Variants in AFAP1 observed in about 807,000 individuals in gnomAD.
AFAP1 encodes the protein actin filament associated protein 1, also known as actin filament-associated protein 1.
AFAP1 carries 75 observed loss-of-function variants against 93.9 expected under a neutral mutation model. The ratio of observed to expected loss-of-function variants is 0.80; its 90% CI spans 0.66 to 0.97. The LOEUF (loss-of-function observed/expected upper bound fraction) is 0.97, where lower values mean the gene tolerates loss of function less well. AFAP1 is among the 50% of genes least tolerant of loss of function. AFAP1 has a pLI of 0.00. For missense variants in AFAP1, 1,201 were observed against 1,050.8 expected (o/e 1.14, Z -1.98); for synonymous variants, 517 against 430.7 (o/e 1.20, Z -2.48).
chr4:7,902,996 C>CCA (rs1439862425), intron 1 of AFAP1, among the ~76,000 whole-genome samples: 2 of 152,214 alleles, frequency 1.3e-5, no homozygotes, highest in Admixed American at 6.5e-5. Context: ...CTCAAGTACT[C>CCA]CACCTCCTTC....
chr4:7,779,273 C>T (rs188614938), intron 13 of AFAP1: 2 of 188,412 alleles, frequency 1.1e-5, no homozygotes, highest in South Asian at 1.0e-4. Context: ...GAGAGGAGCA[C>T]GACCCTGCAG....
chr4:7,798,913 T>C, intron 10 of AFAP1: 1 of 987,220 alleles, frequency 1.0e-6, no homozygotes, highest in Non-Finnish European at 1.2e-6. Context: ...TGCCAATTCA[T>C]GCCTCCTTCT....
chr4:7,857,293 C>G (rs1048396714), intron 3 of AFAP1, among the ~76,000 whole-genome samples: 6 of 152,134 alleles, frequency 3.9e-5, no homozygotes, highest in East Asian at 3.8e-4. Context: ...TTCTATGTAA[C>G]TCATCTCTGA....
intron 1 of AFAP1, among the ~76,000 whole-genome samples, chr4:7,918,147 G>A (rs1452480731): frequency 2.0e-5 from 3 of 152,168 alleles, no homozygotes; most frequent in African/African-American, 4.8e-5. Context: ...GGAGCCACTC[G>A]GCCCAGATCA....
At position 7,774,872 on chromosome 4, in the gene AFAP1, C is replaced by A. The variant is rs1319159594; in HGVS notation, c.1929G>T (p.Arg643=). The A allele has an allele frequency of 1.2e-6, 2 of 1,614,152 alleles. No individual in the cohort carries two copies. Among genetic ancestry groups the A allele is most frequent in the Non-Finnish European group, 1.7e-6 (2 of 1,180,026 alleles). The change falls in exon 15 of 18, where the codon CGG becomes CGT. Residue 643 remains arginine, a synonymous_variant. Transcript: ENST00000420658. ...NAAQYKYGKN[R]VEADAKRLQT... ...GTAGCCGCTTGGCATCTGCTTCTAC[C>A]CGGTTCTTGCCATACTTGTACTGGG...
intron 17 of AFAP1, among the ~76,000 whole-genome samples, chr4:7,768,526 C>A (rs1714943096): frequency 6.6e-6 from 1 of 152,114 alleles, no homozygotes; most frequent in Non-Finnish European, 1.5e-5. Context: ...GTCTAATCTC[C>A]ACCGCACCAC....
At chr4:7,933,510 T>C (rs1721214893) in intron 1 of AFAP1, among the ~76,000 whole-genome samples, 2 of 152,132 alleles carry the variant, frequency 1.3e-5, no homozygotes, top group Non-Finnish European at 2.9e-5. Context: ...GAGGCAGACG[T>C]TGCAGTGAGC....
intron 3 of AFAP1, among the ~76,000 whole-genome samples, chr4:7,865,505 C>G (rs1044923851): frequency 7.2e-5 from 11 of 152,152 alleles, no homozygotes; most frequent in Non-Finnish European, 1.2e-4. Context: ...CTCATAAATA[C>G]CTTAACCCAG....
At position 7,847,915 on chromosome 4, in the gene AFAP1, G is replaced by A. The variant is rs146351632; in HGVS notation, c.335-4565C>T. Among the ~76,000 whole-genome samples the A allele has an allele frequency of 5.5e-4, 84 of 151,928 alleles. 2 individuals are homozygous for A. The East Asian group carries it at 0.013, about 23-fold the overall frequency. On this transcript the variant is annotated intron_variant, in intron 4 of 17. Coordinates refer to ENST00000420658, the MANE Select transcript of AFAP1 (RefSeq NM_001134647.2). Reference sequence around the variant, plus strand: ...ACCGTGTGAACTCTGTTGAAAGGACGTTGTTGATTAGGAAATGCTCTTTGT... The same window carrying A: ...ACCGTGTGAACTCTGTTGAAAGGACATTGTTGATTAGGAAATGCTCTTTGT...
intron 7 of AFAP1, among the ~76,000 whole-genome samples, 177 bp from the exon 8 acceptor site, chr4:7,816,276 C>T (rs1406847206): frequency 5.3e-5 from 8 of 151,920 alleles, no homozygotes; most frequent in South Asian, 4.2e-4. Context: ...TGGCCACAAC[C>T]GCTTTAAAAA....
intron 1 of AFAP1, among the ~76,000 whole-genome samples, chr4:7,934,695 G>A (rs1436253294): frequency 1.3e-5 from 2 of 152,144 alleles, no homozygotes; most frequent in Non-Finnish European, 2.9e-5. Flanking sequence ...AACTTCCTGG[G>A]TGCTGGACTG....
At chr4:7,812,230 C>G (rs938011031) in intron 8 of AFAP1, among the ~76,000 whole-genome samples, 5 of 152,108 alleles carry the variant, frequency 3.3e-5, no homozygotes, top group African/African-American at 4.8e-5. Context: ...GCCAGGACAG[C>G]CCGAGTGCCC....
chr4:7,849,245 G>A (rs1048483624), intron 4 of AFAP1, among the ~76,000 whole-genome samples: 3 of 152,136 alleles, frequency 2.0e-5, no homozygotes, highest in African/African-American at 7.2e-5. Flanking sequence ...GGGAGAGTGA[G>A]AGGCTGGCAG....
At chr4:7,878,335 G>T (rs570051924) in intron 1 of AFAP1, among the ~76,000 whole-genome samples, 1 of 152,292 alleles carries the variant, frequency 6.6e-6, no homozygotes, top group South Asian at 2.1e-4. Context: ...TGTGCAGCAG[G>T]CTCTCTGGAA....
chr4:7,770,089 T>C (rs544123848), intron 16 of AFAP1, among the ~76,000 whole-genome samples: 1 of 152,126 alleles, frequency 6.6e-6, no homozygotes, highest in Non-Finnish European at 1.5e-5. Context: ...CTTCCCCAGA[T>C]GCGGGGACAG....
rs184296763 is a variant in AFAP1, at chr4:7,873,374, G to A, written c.-2-1294C>T. Reference sequence around the variant, plus strand: ...TTTTTTTTTTTTTTTTTTTTGAGACGGAGTCTCACTGTCGCCCAGGCTGGA... The same window carrying A: ...TTTTTTTTTTTTTTTTTTTTGAGACAGAGTCTCACTGTCGCCCAGGCTGGA... On this transcript the variant is annotated intron_variant, in intron 1 of 17. Transcript: ENST00000420658. Among the ~76,000 whole-genome samples, 91 of 73,948 alleles carry A rather than the reference G, an allele frequency of 1.2e-3. 2 individuals carry two copies. In the East Asian group the frequency reaches 0.022, roughly 18 times the overall value. 48.5% of individuals were successfully genotyped at this position (73,948 alleles called of 152,430 possible).
At chr4:7,858,806 GCCCAC>G (rs1350254932) in intron 3 of AFAP1, among the ~76,000 whole-genome samples, 1 of 152,168 alleles carries the variant, frequency 6.6e-6, no homozygotes, top group African/African-American at 2.4e-5. Flanking sequence ...AACCTTCAGT[GCCCAC>G]CCCAGCTCTG....
At chr4:7,904,264 T>C (rs191436741) in intron 1 of AFAP1, among the ~76,000 whole-genome samples, 4 of 152,168 alleles carry the variant, frequency 2.6e-5, no homozygotes, top group Admixed American at 1.3e-4. Flanking sequence ...GCTTTTCCCA[T>C]AGCGTTTAAA....
At chr4:7,812,506 G>A (rs189165465) in intron 8 of AFAP1, among the ~76,000 whole-genome samples, 9 of 152,266 alleles carry the variant, frequency 5.9e-5, no homozygotes, top group Admixed American at 5.9e-4. Flanking sequence ...GGGAACATGA[G>A]GAGAAAACCA....
Sources: gnomAD v4.1 joint callset for allele counts (sites outside exome capture counted in the v4.1 genomes callset) on GRCh38, gnomAD v4.1.1 for gene constraint, MANE v1.5 for transcripts, NCBI Gene and HGNC (gene_info 2026-07-23, HGNC 2026-07-21) for gene names.